Variants in NOC2L observed in about 807,000 individuals in gnomAD.
NOC2L encodes NOC2 like nucleolar associated transcriptional repressor, also known as nucleolar complex protein 2 homolog.
In NOC2L, 101 loss-of-function variants were observed where a neutral mutation model predicts 94.2. The observed-to-expected ratio is 1.07, with a 90% CI of 0.91 to 1.26. The LOEUF (loss-of-function observed/expected upper bound fraction) is 1.26, where lower values mean the gene tolerates loss of function less well. NOC2L is among the 50% of genes most tolerant of loss of function. The probability of loss-of-function intolerance (pLI) is 0.00; values close to 1 mark genes in which losing one functional copy is unlikely to be tolerated. For synonymous variants in NOC2L, 531 were observed against 413.4 expected (o/e 1.28, Z -3.45); for missense variants, 1,076 against 980.1 (o/e 1.10, Z -1.31).
At chr1:957,411 G>C (rs1389340702) in intron 2 of NOC2L, 138 bp from the exon 3 acceptor site, 1 of 766,638 alleles carries the variant, frequency 1.3e-6, no homozygotes, top group Non-Finnish European at 2.1e-6. Flanking sequence ...GTTTTTGGCA[G>C]ACTCACGTCT....
At chr1:952,261 C>G in intron 10 of NOC2L, 122 bp from the exon 11 acceptor site, 1 of 1,394,630 alleles carries the variant, frequency 7.2e-7, no homozygotes, top group Non-Finnish European at 9.9e-7. Context: ...ACCCATCCAC[C>G]CTTCCCCCAC....
chr1:946,039 G>A, intron 16 of NOC2L, 134 bp downstream of exon 16: 2 of 687,890 alleles, frequency 2.9e-6, no homozygotes, highest in Non-Finnish European at 4.9e-6. Flanking sequence ...CCCTCTCCAA[G>A]TCGAATCATC....
intron 2 of NOC2L, 48 bp from the exon 3 acceptor site, chr1:957,321 G>C (rs202009528): frequency 1.9e-6 from 3 of 1,590,892 alleles, no homozygotes; most frequent in East Asian, 2.2e-5. Context: ...GAAGTAGAGG[G>C]GGCGGGGAGT....
chr1:955,179 C>T (rs757971154), intron 6 of NOC2L, among the ~76,000 whole-genome samples: 9 of 152,270 alleles, frequency 5.9e-5, no homozygotes, highest in Non-Finnish European at 1.2e-4. Flanking sequence ...TTCCTTGTCC[C>T]CTTCGGACAG....
At chr1:958,352 A>C in intron 2 of NOC2L, 1 of 259,960 alleles carries the variant, frequency 3.8e-6, no homozygotes, top group Non-Finnish European at 7.7e-6. Flanking sequence ...TCCCAAGTTC[A>C]AGCGATTCTC....
intron 11 of NOC2L, among the ~76,000 whole-genome samples, chr1:951,552 G>A (rs904060999): frequency 3.9e-5 from 6 of 152,282 alleles, no homozygotes; most frequent in African/African-American, 1.2e-4. Context: ...CTAAGGCTCA[G>A]CCAGACAGAT....
In NOC2L at chr1:944,236, TTC is replaced by T. The variant is rs1642011811; in HGVS notation, c.*456_*457del. 1.4e-6 allele frequency: 2 copies of T among 1,457,804 alleles called. No homozygotes were observed. The highest frequency in any genetic ancestry group is 1.8e-6 in the Non-Finnish European group (2 of 1,106,236). 90.3% of individuals were successfully genotyped at this position (1,457,804 alleles called of 1,614,324 possible). Reference sequence around the variant, plus strand: ...ATGGCCCTGCCTCCCACCGCTTTATTTCTTTCGGTTTCGGATGCAAAACAAAA... The same window carrying T: ...ATGGCCCTGCCTCCCACCGCTTTATTTTTCGGTTTCGGATGCAAAACAAAA... On this transcript the variant is annotated 3_prime_UTR_variant, in exon 19 of 19. Transcript: ENST00000327044.
rs559360650 is a variant in NOC2L at position 944,676 on chromosome 1, C to G, written c.*18G>C. Reference sequence around the variant, plus strand: ...CCACCAGCCCGGCAGCCCCTACAGGCCCCCCAGATGGGCTGCCTCAGTCGT... The same window carrying G: ...CCACCAGCCCGGCAGCCCCTACAGGGCCCCCAGATGGGCTGCCTCAGTCGT... On this transcript the variant is annotated 3_prime_UTR_variant, in exon 19 of 19. Coordinates refer to ENST00000327044, the MANE Select transcript of NOC2L (RefSeq NM_015658.4). 1.4e-4 allele frequency: 207 copies of G among 1,517,848 alleles called. No homozygotes were observed. The African/African-American group carries it at 2.6e-3, about 19-fold the overall frequency. The allele number at this position is 1,517,848 out of a possible 1,614,324, so 94.0% of individuals were successfully genotyped here.
At chr1:955,127 G>A (rs1253907333) in intron 6 of NOC2L, among the ~76,000 whole-genome samples, 2 of 152,216 alleles carry the variant, frequency 1.3e-5, no homozygotes, top group Non-Finnish European at 2.9e-5. Flanking sequence ...AGTGCGTGCT[G>A]CCTCCCAATC....
intron 15 of NOC2L, 48 bp from the exon 16 acceptor site, chr1:946,334 C>T (rs749240151): frequency 6.2e-7 from 1 of 1,611,892 alleles, no homozygotes; most frequent in South Asian, 1.1e-5. Context: ...TGGGCAAACC[C>T]CCACATGTAG....
rs1642097954 is a variant in NOC2L, at chr1:946,026, A to AC, written c.1917+146dup. 12 of 648,990 alleles carry AC rather than the reference A, an allele frequency of 1.8e-5. No homozygotes were observed. The East Asian group carries it at 3.3e-4, about 18-fold the overall frequency. The allele number at this position is 648,990 out of a possible 1,614,324, so 40.2% of individuals were successfully genotyped here. On this transcript the variant is annotated intron_variant, in intron 16 of 18. Coordinates refer to ENST00000327044, the MANE Select transcript of NOC2L (RefSeq NM_015658.4). ...GGTTCTGGCCAGTTCTCCAACACCT[A>AC]CCCCCTCTCCAAGTCGAATCATCCG...
At chr1:954,861 A>C (rs1642360697) in intron 6 of NOC2L, among the ~76,000 whole-genome samples, 1 of 151,920 alleles carries the variant, frequency 6.6e-6, no homozygotes, top group African/African-American at 2.4e-5. Context: ...CAAACAAAAC[A>C]AAACAAAACA....
At position 944,440 on chromosome 1, in the gene NOC2L, C is replaced by A; in HGVS notation, c.*254G>T. On this transcript the variant is annotated 3_prime_UTR_variant, in exon 19 of 19. Coordinates refer to ENST00000327044, the MANE Select transcript of NOC2L (RefSeq NM_015658.4). ...ACTGGGACTGGTCTCGGTCTGCTGA[C>A]GTCAGGGTCAGCTCCCCCGCGGAGC... 1 of 976,488 alleles carries A rather than the reference C, an allele frequency of 1.0e-6. No homozygotes were observed. Among genetic ancestry groups the A allele is most frequent in the Non-Finnish European group, 1.4e-6 (1 of 708,440 alleles). The allele number at this position is 976,488 out of a possible 1,614,324, so 60.5% of individuals were successfully genotyped here. A position where few individuals can be genotyped will look rare whatever the true frequency, so the allele number is the denominator to read the frequency against.
At chr1:945,742 G>A (rs1197588231) in intron 16 of NOC2L, 89 bp from the exon 17 acceptor site, 1 of 1,560,382 alleles carries the variant, frequency 6.4e-7, no homozygotes, top group Non-Finnish European at 8.8e-7. Flanking sequence ...CCCACCACCA[G>A]GGCCCCATGT....
At chr1:958,061 C>A (rs1319871356) in intron 2 of NOC2L, 1 of 114,906 alleles carries the variant, frequency 8.7e-6, no homozygotes, top group South Asian at 3.0e-4. Flanking sequence ...ACCACCTCCG[C>A]TTTTTTTTTT....
chr1:945,754 G>A, intron 16 of NOC2L, 101 bp from the exon 17 acceptor site: 1 of 1,453,160 alleles, frequency 6.9e-7, no homozygotes. Flanking sequence ...GCCCCATGTG[G>A]CCAATTTCTA....
intron 2 of NOC2L, chr1:958,693 A>G (rs1642488153): frequency 1.4e-6 from 1 of 692,142 alleles, no homozygotes; most frequent in Non-Finnish European, 2.6e-6. Flanking sequence ...GTTCTCCTAG[A>G]TCGGGAAGAG....
chr1:944,977 C>T, intron 18 of NOC2L, 80 bp downstream of exon 18: 1 of 1,601,060 alleles, frequency 6.2e-7, no homozygotes, highest in Non-Finnish European at 8.5e-7. Flanking sequence ...CCCAGAGCCC[C>T]ACGCCCCCCG....
rs781377753 is a variant in NOC2L at position 945,611 on chromosome 1, C to T, written c.1960G>A (p.Ala654Thr). The T allele has an allele frequency of 4.8e-5, 78 of 1,614,066 alleles. No individual in the cohort carries two copies. Among genetic ancestry groups the T allele is most frequent in the Non-Finnish European group, 6.4e-5 (75 of 1,180,024 alleles). ...TTCCTGTCCTCATCCTTCCTGTCAG[C>T]CATCTTCCTTCGTTTGATCTCAGGG... is the stretch of plus-strand genomic sequence containing the variant. ...NFPEIKRRKMADRKDEDRKQF... is the reference protein window; with the variant it reads ...NFPEIKRRKMTDRKDEDRKQF... Residue 654 changes from alanine (A) to threonine (T), a missense_variant, in exon 17 of 19, where the codon GCT (alanine) becomes ACT (threonine). Coordinates refer to ENST00000327044, the MANE Select transcript of NOC2L (RefSeq NM_015658.4).
Sources: allele counts gnomAD v4.1 joint callset (sites outside exome capture counted in the v4.1 genomes callset), GRCh38; gene constraint gnomAD v4.1.1; transcripts MANE v1.5; gene names NCBI Gene and HGNC (gene_info 2026-07-23, HGNC 2026-07-21).